PAM: variants seen among roughly 807,000 people sequenced by gnomAD.
PAM encodes peptidylglycine alpha-amidating monooxygenase.
A neutral mutation model predicts 122.1 loss-of-function variants in PAM; 72 were observed. The observed-to-expected ratio is 0.59, with a 90% confidence interval of 0.49 to 0.72. The LOEUF (loss-of-function observed/expected upper bound fraction) is 0.72, where lower values mean the gene tolerates loss of function less well. PAM is among the 30% of genes least tolerant of loss of function. The pLI is 0.00. For missense variants in PAM, 1,106 were observed against 1,183.7 expected (o/e 0.93, Z 0.96); for synonymous variants, 389 against 404.4 (o/e 0.96, Z 0.46).
intron 1 of PAM, among the ~76,000 whole-genome samples, chr5:102,804,194 C>A (rs1188883892): frequency 6.6e-6 from 1 of 152,132 alleles, no homozygotes; most frequent in Non-Finnish European, 1.5e-5. Context: ...GATGGGCTTA[C>A]GCTGAAACGG....
chr5:103,028,314 G>T, intron 25 of PAM, 76 bp downstream of exon 25: 1 of 1,033,704 alleles, frequency 9.7e-7, no homozygotes, highest in Non-Finnish European at 1.5e-6. Context: ...AAAGCAAGGA[G>T]ATATTTCATA....
At chr5:102,924,879 A>G in intron 5 of PAM, 78 bp from the exon 6 acceptor site, 1 of 794,184 alleles carries the variant, frequency 1.3e-6, no homozygotes, top group Non-Finnish European at 2.3e-6. Flanking sequence ...ACCTTCCCCC[A>G]TCACCTCCCA....
downstream of PAM, chr5:103,030,396 T>C (rs969308553): frequency 6.6e-5 from 10 of 152,240 alleles, no homozygotes; most frequent in East Asian, 3.8e-4. Context: ...TTTAAAATGA[T>C]AGGAATCTAA....
At chr5:102,990,869 G>A (rs1183148400) in intron 16 of PAM, among the ~76,000 whole-genome samples, 6 of 152,192 alleles carry the variant, frequency 3.9e-5, no homozygotes, top group Non-Finnish European at 8.8e-5. Context: ...TGTGGTTGGG[G>A]CAGTTTGGCC....
intron 12 of PAM, among the ~76,000 whole-genome samples, chr5:102,958,510 T>G (rs2150196265): frequency 6.6e-6 from 1 of 152,300 alleles, no homozygotes; most frequent in East Asian, 1.9e-4. Context: ...AATGTAATTC[T>G]TAGGAATGGT....
intron 1 of PAM, among the ~76,000 whole-genome samples, chr5:102,817,000 T>C (rs1476415087): frequency 6.6e-6 from 1 of 152,134 alleles, no homozygotes; most frequent in Non-Finnish European, 1.5e-5. Context: ...ATCTCAGTTA[T>C]CCCAGAAATC....
At chr5:103,022,408 T>G (rs1783818036) in intron 23 of PAM, among the ~76,000 whole-genome samples, 1 of 152,110 alleles carries the variant, frequency 6.6e-6, no homozygotes, top group Non-Finnish European at 1.5e-5. Flanking sequence ...CAATTCCAAG[T>G]GGTCTCTAGA....
chr5:102,977,658 GCACACACACACACACACACACA>G (rs10527378), intron 15 of PAM, among the ~76,000 whole-genome samples: 15 of 143,044 alleles, frequency 1.0e-4, no homozygotes, highest in East Asian at 4.2e-4. Flanking sequence ...ATGCATGTGC[GCACACACACACACACACACACA>G]CACACACACA....
intron 1 of PAM, among the ~76,000 whole-genome samples, chr5:102,793,712 A>G (rs982437843): frequency 8.5e-5 from 13 of 152,246 alleles, no homozygotes; most frequent in African/African-American, 2.9e-4. Flanking sequence ...TGAGCCAGGA[A>G]CAGATTTTAA....
chr5:102,909,888 T>G (rs1191791151), intron 4 of PAM, among the ~76,000 whole-genome samples: 1 of 151,920 alleles, frequency 6.6e-6, no homozygotes, highest in Admixed American at 6.6e-5. Context: ...GATCCAAACT[T>G]GCAAGTCGGT....
At chr5:102,805,321 G>C (rs952916928) in intron 1 of PAM, among the ~76,000 whole-genome samples, 4 of 152,070 alleles carry the variant, frequency 2.6e-5, no homozygotes, top group African/African-American at 9.7e-5. Flanking sequence ...GCTCGCCTCA[G>C]CCTCCCAATG....
chr5:102,920,195 G>A (rs909225927), intron 5 of PAM, among the ~76,000 whole-genome samples: 1 of 151,994 alleles, frequency 6.6e-6, no homozygotes, highest in Non-Finnish European at 1.5e-5. Flanking sequence ...AGCTTGATTG[G>A]GCCATCATGA....
chr5:102,840,709 GC>G (rs1373286297), intron 1 of PAM, among the ~76,000 whole-genome samples: 1 of 152,138 alleles, frequency 6.6e-6, no homozygotes, highest in African/African-American at 2.4e-5. Context: ...TCATGATGCA[GC>G]CCCCATTCTC....
chr5:102,870,101 A>ATTT (rs111643580), intron 3 of PAM, among the ~76,000 whole-genome samples: 15 of 146,846 alleles, frequency 1.0e-4, no homozygotes, highest in African/African-American at 3.7e-4. Flanking sequence ...ATGGCAGAGG[A>ATTT]TTTTTTTTTT....
intron 12 of PAM, among the ~76,000 whole-genome samples, chr5:102,953,347 A>G (rs139896039): frequency 3.8e-4 from 58 of 152,342 alleles, no homozygotes; most frequent in Admixed American, 2.4e-3. Flanking sequence ...TGTGTTTTAC[A>G]TACACATGAT....
intron 16 of PAM, among the ~76,000 whole-genome samples, chr5:102,991,212 CTT>C (rs1178782737): frequency 2.6e-5 from 4 of 152,158 alleles, no homozygotes; most frequent in Non-Finnish European, 5.9e-5. Flanking sequence ...AGTTGGCCCA[CTT>C]AGCCACTTTA....
chr5:102,844,063 G>A (rs1779343667), intron 1 of PAM, among the ~76,000 whole-genome samples: 1 of 152,120 alleles, frequency 6.6e-6, no homozygotes, highest in Non-Finnish European at 1.5e-5. Flanking sequence ...CAACCAAAAT[G>A]TCCTTCAAAA....
rs192639459 is a variant in PAM, at chr5:102,790,702, A to G, written c.-374+35354A>G. On this transcript the variant is annotated intron_variant, in intron 1 of 25. Coordinates refer to ENST00000438793, the MANE Select transcript of PAM (RefSeq NM_001177306.2). ...GAACACTATTTTCATTATTCTCAGCAGTGCTATTCTAGTTATCAGAAACTG... is the reference window on the plus strand; with the variant it reads ...GAACACTATTTTCATTATTCTCAGCGGTGCTATTCTAGTTATCAGAAACTG... Among the ~76,000 whole-genome samples the G allele has an allele frequency of 6.6e-5, 10 of 152,200 alleles. 1 individual carries two copies. In the East Asian group the frequency reaches 1.2e-3, roughly 18 times the overall value.
intron 3 of PAM, among the ~76,000 whole-genome samples, chr5:102,888,334 A>G (rs1793780219): frequency 6.6e-6 from 1 of 151,870 alleles, no homozygotes; most frequent in Non-Finnish European, 1.5e-5. Context: ...GCACATTCTC[A>G]GTTCCACCAG....
Sources: gnomAD v4.1 joint callset for allele counts (sites outside exome capture counted in the v4.1 genomes callset) on GRCh38, gnomAD v4.1.1 for gene constraint, MANE v1.5 for transcripts, NCBI Gene and HGNC (gene_info 2026-07-23, HGNC 2026-07-21) for gene names.